Variants in CPED1 observed in about 807,000 individuals in gnomAD.
CPED1 encodes cadherin like and PC-esterase domain containing 1, also known as cadherin-like and PC-esterase domain-containing protein 1.
Under a neutral mutation model 128.2 loss-of-function variants are expected in CPED1, and 114 were observed. The ratio of observed to expected loss-of-function variants is 0.89; its 90% confidence interval spans 0.76 to 1.04. The LOEUF is 1.04. CPED1 is among the 50% of genes least tolerant of loss of function. The pLI is 0.00. For synonymous variants in CPED1, 462 were observed against 426.7 expected (o/e 1.08, Z -1.02); for missense variants, 1,211 against 1,207.1 (o/e 1.00, Z -0.05).
At chr7:121,288,460 G>A (rs2707488) in intron 22 of CPED1, among the ~76,000 whole-genome samples, 1,789 of 152,208 alleles carry the variant, frequency 0.012, 24 homozygotes, top group African/African-American at 0.028. Flanking sequence ...TCCTTTCTCA[G>A]ACATCAATTT....
intron 18 of CPED1, among the ~76,000 whole-genome samples, chr7:121,261,328 T>C (rs1383763077): frequency 6.6e-6 from 1 of 152,082 alleles, no homozygotes; most frequent in East Asian, 1.9e-4. Flanking sequence ...AAGTAAAATG[T>C]AGCCTTTCAC....
At position 121,046,878 on chromosome 7, in the gene CPED1, T is replaced by C. The variant is rs752047211; in HGVS notation, c.434-9T>C. On this transcript the variant is annotated splice_polypyrimidine_tract_variant and intron_variant, in intron 3 of 22. Coordinates refer to ENST00000310396, the MANE Select transcript of CPED1 (RefSeq NM_024913.5). ...AACTTATTTGTTTTGAATATTCTTT[T>C]GCTTTTAGGTGATCTGGGCTCTTGG... 1 of 1,570,646 alleles carries C rather than the reference T, an allele frequency of 6.4e-7. No individual in the cohort carries two copies. Among genetic ancestry groups the C allele is most frequent in the Non-Finnish European group, 8.7e-7 (1 of 1,149,334 alleles).
At chr7:121,071,282 C>T (rs1226112539) in intron 5 of CPED1, among the ~76,000 whole-genome samples, 1 of 152,120 alleles carries the variant, frequency 6.6e-6, no homozygotes, top group African/African-American at 2.4e-5. Flanking sequence ...GGATTCAGAT[C>T]CCATCCAGTG....
chr7:121,071,594 T>G (rs1264705316), intron 5 of CPED1, among the ~76,000 whole-genome samples: 1 of 152,036 alleles, frequency 6.6e-6, no homozygotes. Flanking sequence ...TTGCCTAGGC[T>G]GGCCTTAAAT....
intron 7 of CPED1, among the ~76,000 whole-genome samples, chr7:121,121,793 C>T (rs1795395160): frequency 6.6e-6 from 1 of 152,152 alleles, no homozygotes; most frequent in African/African-American, 2.4e-5. Context: ...ATGGAATTAA[C>T]ATCAAATAAT....
At chr7:121,232,131 G>T (rs1325377545) in intron 16 of CPED1, among the ~76,000 whole-genome samples, 1 of 152,078 alleles carries the variant, frequency 6.6e-6, no homozygotes, top group Non-Finnish European at 1.5e-5. Context: ...TCCTGACTAC[G>T]CAGGCAGCCT....
chr7:121,177,100 G>T (rs1280181635), intron 16 of CPED1, among the ~76,000 whole-genome samples: 1 of 152,020 alleles, frequency 6.6e-6, no homozygotes, highest in East Asian at 1.9e-4. Flanking sequence ...TGGTTTCTAT[G>T]CATTCTCATT....
intron 16 of CPED1, among the ~76,000 whole-genome samples, chr7:121,223,331 T>C (rs1269160967): frequency 6.6e-6 from 1 of 152,172 alleles, no homozygotes; most frequent in Non-Finnish European, 1.5e-5. Flanking sequence ...TGGATAAACT[T>C]TTTGATGTGC....
chr7:121,040,334 C>CAATAAGGACA (rs1381442081), intron 3 of CPED1, among the ~76,000 whole-genome samples: 1 of 152,046 alleles, frequency 6.6e-6, no homozygotes, highest in Non-Finnish European at 1.5e-5. Flanking sequence ...GTGTTAGAAA[C>CAATAAGGACA]AATAAGGTGA....
chr7:121,200,761 G>A (rs1237367814), intron 16 of CPED1, among the ~76,000 whole-genome samples: 1 of 152,086 alleles, frequency 6.6e-6, no homozygotes, highest in Non-Finnish European at 1.5e-5. Flanking sequence ...ATACAGACCA[G>A]TGCAAAGTGG....
chr7:121,066,024 A>G (rs573896617), intron 5 of CPED1, among the ~76,000 whole-genome samples: 33 of 152,258 alleles, frequency 2.2e-4, no homozygotes, highest in Admixed American at 9.2e-4. Context: ...TGTTGGTATA[A>G]ATATATAATT....
At chr7:121,228,510 A>G (rs538650566) in intron 16 of CPED1, among the ~76,000 whole-genome samples, 7 of 151,958 alleles carry the variant, frequency 4.6e-5, no homozygotes, top group Non-Finnish European at 8.8e-5. Flanking sequence ...GGATGTGAAG[A>G]AAAGAGAACT....
chr7:121,214,768 T>C (rs1384967355), intron 16 of CPED1, among the ~76,000 whole-genome samples: 1 of 152,096 alleles, frequency 6.6e-6, no homozygotes, highest in East Asian at 1.9e-4. Context: ...AATGCCATAG[T>C]AGTCTGAATG....
At chr7:121,294,452 G>A (rs754173877) in intron 22 of CPED1, among the ~76,000 whole-genome samples, 3 of 152,036 alleles carry the variant, frequency 2.0e-5, no homozygotes, top group Non-Finnish European at 4.4e-5. Context: ...TGAAGGAAGA[G>A]GCCAACAAAT....
chr7:121,005,925 A>G (rs1791998845), intron 2 of CPED1, among the ~76,000 whole-genome samples: 1 of 152,208 alleles, frequency 6.6e-6, no homozygotes, highest in African/African-American at 2.4e-5. Flanking sequence ...AAGTTCATCA[A>G]GTGGAACTTA....
chr7:121,007,798 T>G (rs1331867772), intron 2 of CPED1, among the ~76,000 whole-genome samples: 2 of 151,926 alleles, frequency 1.3e-5, no homozygotes, highest in Non-Finnish European at 2.9e-5. Flanking sequence ...ATCCTGTTGC[T>G]GCTTCTCTTT....
intron 22 of CPED1, among the ~76,000 whole-genome samples, chr7:121,279,053 T>A (rs1792384176): frequency 6.6e-6 from 1 of 152,136 alleles, no homozygotes; most frequent in Non-Finnish European, 1.5e-5. Flanking sequence ...GATTACCATT[T>A]CCTACATTAA....
intron 16 of CPED1, among the ~76,000 whole-genome samples, chr7:121,157,304 A>C (rs933217773): frequency 2.0e-5 from 3 of 152,224 alleles, no homozygotes; most frequent in Non-Finnish European, 4.4e-5. Flanking sequence ...TTAAAAGCCC[A>C]CTTAATATAC....
At chr7:121,037,669 G>A (rs1010596198) in intron 3 of CPED1, among the ~76,000 whole-genome samples, 8 of 152,134 alleles carry the variant, frequency 5.3e-5, no homozygotes, top group African/African-American at 1.9e-4. Context: ...CTAGTTCTGT[G>A]AAGAATGATG....
Sources: allele counts gnomAD v4.1 joint callset (sites outside exome capture counted in the v4.1 genomes callset), GRCh38; gene constraint gnomAD v4.1.1; transcripts MANE v1.5; gene names NCBI Gene and HGNC (gene_info 2026-07-23, HGNC 2026-07-21).